The following ZNF500 variants were observed in gnomAD, a reference collection of about 807,000 sequenced individuals.
The protein encoded by ZNF500 is zinc finger protein with KRAB and SCAN domains 18.
In ZNF500, 31 loss-of-function variants were observed where a neutral mutation model predicts 30.1. That is an observed-to-expected ratio of 1.03 (90% CI 0.77 to 1.39). ZNF500 has a LOEUF of 1.39. ZNF500 is among the 40% of genes most tolerant of loss of function. ZNF500 has a pLI of 0.00. For missense variants in ZNF500, 817 were observed against 657.8 expected (o/e 1.24, Z -2.65); for synonymous variants, 392 against 282.0 (o/e 1.39, Z -3.91).
At chr16:4,744,859 GCCATC>G (rs1285978312), downstream of ZNF500, 3 of 1,609,100 alleles carry the variant, frequency 1.9e-6, no homozygotes, top group East Asian at 6.7e-5. Context: ...CTCTCCTTTG[GCCATC>G]CTCAGACCGC....
At chr16:4,762,365 C>T in intron 3 of ZNF500, 30 bp from the exon 4 acceptor site, 1 of 1,588,096 alleles carries the variant, frequency 6.3e-7, no homozygotes, top group Non-Finnish European at 8.6e-7. Flanking sequence ...CCACCAGTCA[C>T]ACAGCTCACC....
downstream of ZNF500, chr16:4,747,629 C>T: frequency 6.3e-7 from 1 of 1,598,304 alleles, no homozygotes; most frequent in Non-Finnish European, 8.5e-7. Context: ...ACTATAGCTG[C>T]CTCAGGTAGT....
At chr16:4,747,746 G>A, downstream of ZNF500, 2 of 1,313,128 alleles carry the variant, frequency 1.5e-6, no homozygotes, top group Non-Finnish European at 2.1e-6. Context: ...CCAGAGGCAG[G>A]GACCCTCAGA....
Position 4,760,486 on chromosome 16 carries a change from A to G in ZNF500, c.760+6T>C, listed in dbSNP as rs1477745538. ...CCCCTAGAGGACACAATCACTTGCA[A>G]GTTACCTTCATTCTCCAGCGGCGCG... On this transcript the variant is annotated splice_donor_region_variant and intron_variant, in intron 5 of 5. Coordinates refer to ENST00000219478, the MANE Select transcript of ZNF500 (RefSeq NM_021646.4). The G allele has an allele frequency of 6.2e-7, 1 of 1,613,160 alleles. No homozygotes were observed.
At chr16:4,746,081 A>C (rs1215546498), downstream of ZNF500, 1 of 302,066 alleles carries the variant, frequency 3.3e-6, no homozygotes. Context: ...TGAATGTTTT[A>C]TGCATTGGAT....
intron 5 of ZNF500, among the ~76,000 whole-genome samples, chr16:4,759,162 C>A (rs1454461872): frequency 2.0e-5 from 3 of 150,942 alleles, no homozygotes; most frequent in African/African-American, 7.3e-5. Context: ...GTGAGCTGAG[C>A]TGAGATCGTG....
downstream of ZNF500, among the ~76,000 whole-genome samples, chr16:4,745,952 C>CAAAAA (rs58259917): frequency 2.6e-5 from 3 of 113,490 alleles, no homozygotes; most frequent in Non-Finnish European, 3.5e-5. Flanking sequence ...GACTCTGTCT[C>CAAAAA]AAAAAAAAAA....
chr16:4,762,227 G>A (rs748937515), intron 4 of ZNF500, 44 bp downstream of exon 4: 14 of 1,596,398 alleles, frequency 8.8e-6, no homozygotes, highest in African/African-American at 2.7e-5. Context: ...ACAGGAGGTC[G>A]GGCCAGACCC....
chr16:4,764,034 A>C, intron 2 of ZNF500: 1 of 985,424 alleles, frequency 1.0e-6, no homozygotes, highest in East Asian at 1.1e-4. Flanking sequence ...CCACAACTGA[A>C]ACTGAAGCAG....
At position 4,766,081 on chromosome 16, in the gene ZNF500, G is replaced by A. The variant is rs948707097; in HGVS notation, c.-98-5C>T. 21 of 1,373,146 alleles carry A rather than the reference G, an allele frequency of 1.5e-5. No homozygotes were observed. The highest frequency in any genetic ancestry group is 1.9e-5 in the Non-Finnish European group (20 of 1,034,220). The allele number at this position is 1,373,146 out of a possible 1,614,324, so 85.1% of individuals were successfully genotyped here. ...AAGAGAGTTTTTTTCAGGGCCCTGT[G>A]GAGAGACGATAAAACCATCTGAAGG... On this transcript the variant is annotated splice_polypyrimidine_tract_variant and splice_region_variant and intron_variant, in intron 1 of 5. Coordinates refer to ENST00000219478, the MANE Select transcript of ZNF500 (RefSeq NM_021646.4).
chr16:4,765,373 G>GT (rs1406375945), intron 2 of ZNF500, among the ~76,000 whole-genome samples, 192 bp downstream of exon 2: 1 of 152,172 alleles, frequency 6.6e-6, no homozygotes, highest in Non-Finnish European at 1.5e-5. Flanking sequence ...GGCTATTGGG[G>GT]TAGGATGAGG....
intron 4 of ZNF500, among the ~76,000 whole-genome samples, chr16:4,762,065 T>C (rs939063016): frequency 1.4e-4 from 22 of 152,082 alleles, no homozygotes; most frequent in African/African-American, 4.8e-4. Flanking sequence ...AGTACTTAAA[T>C]GGCCTCTGGA....
At chr16:4,761,991 C>T (rs2082207050) in intron 4 of ZNF500, among the ~76,000 whole-genome samples, 1 of 152,188 alleles carries the variant, frequency 6.6e-6, no homozygotes, top group African/African-American at 2.4e-5. Flanking sequence ...ATTCCTGTGC[C>T]CAGCAGAGTA....
Position 4,751,801 on chromosome 16 carries a change from A to G in ZNF500, c.*575T>C. The G allele has an allele frequency of 1.5e-6, 1 of 667,236 alleles. No homozygotes were observed. The highest frequency in any genetic ancestry group is 2.6e-6 in the Non-Finnish European group (1 of 391,500). The allele number at this position is 667,236 out of a possible 1,614,324, so 41.3% of individuals were successfully genotyped here. On this transcript the variant is annotated 3_prime_UTR_variant, in exon 6 of 6. Transcript: ENST00000219478. ...CACACACCTGTAACCCCAGCTACTC[A>G]GGAGGATGAGGCAGGAGGAACACTT... is the stretch of plus-strand genomic sequence containing the variant.
chr16:4,746,643 A>C, downstream of ZNF500: 1 of 1,270,092 alleles, frequency 7.9e-7, no homozygotes. Flanking sequence ...TTCTCAATTG[A>C]AAAGTGCTGG....
Position 4,751,566 on chromosome 16 carries a change from A to C in ZNF500, c.*810T>G. 2.0e-6 allele frequency: 3 copies of C among 1,532,886 alleles called. No homozygotes were observed. The highest frequency in any genetic ancestry group is 2.7e-5 in the African/African-American group (2 of 73,010). The allele number at this position is 1,532,886 out of a possible 1,614,324, so 95.0% of individuals were successfully genotyped here. On this transcript the variant is annotated 3_prime_UTR_variant, in exon 6 of 6. Transcript: ENST00000219478. ...CTCTGGCAGGATGAAGAAGCTGGAG[A>C]CCACGTCCTGGGAAGGCTGGGGTAC... is the stretch of plus-strand genomic sequence containing the variant.
intron 5 of ZNF500, among the ~76,000 whole-genome samples, chr16:4,753,981 AG>A (rs2082111165): frequency 6.6e-6 from 1 of 152,234 alleles, no homozygotes; most frequent in South Asian, 2.1e-4. Flanking sequence ...ACAGGAGAAC[AG>A]GGAGAGGGGC....
Position 4,757,806 on chromosome 16 carries a change from G to C in ZNF500, c.760+2686C>G, listed in dbSNP as rs977206076. On this transcript the variant is annotated intron_variant, in intron 5 of 5. Coordinates refer to ENST00000219478, the MANE Select transcript of ZNF500 (RefSeq NM_021646.4). ...TTTAGGAGAGACAGGGTTTCATCAT[G>C]TTGGCCAGGATGGACTCGATCTCCT... Among the ~76,000 whole-genome samples the C allele has an allele frequency of 7.3e-5, 11 of 150,262 alleles. 1 individual carries two copies. In the South Asian group the frequency reaches 1.7e-3, roughly 23 times the overall value.
downstream of ZNF500, among the ~76,000 whole-genome samples, chr16:4,747,794 AG>A (rs1376590049): frequency 9.7e-5 from 3 of 30,820 alleles, no homozygotes; most frequent in African/African-American, 1.4e-4. Context: ...GCTCAGTCAC[AG>A]GTGCATGAAC....
Sources: gnomAD v4.1 joint callset for allele counts (sites outside exome capture counted in the v4.1 genomes callset) on GRCh38, gnomAD v4.1.1 for gene constraint, MANE v1.5 for transcripts, NCBI Gene and HGNC (gene_info 2026-07-23, HGNC 2026-07-21) for gene names.